CCSER1: variants seen among roughly 807,000 people sequenced by gnomAD.
The protein encoded by CCSER1 is serine-rich coiled-coil domain-containing protein 1.
CCSER1 carries 41 observed loss-of-function variants against 82.0 expected under a neutral mutation model. The observed-to-expected ratio is 0.50, with a 90% confidence interval of 0.39 to 0.65. The LOEUF is 0.65. Among genes scored for constraint, CCSER1 ranks in the 30% least tolerant of loss-of-function variants. The pLI, the probability that CCSER1 is intolerant of heterozygous loss-of-function variation, is 0.00. For synonymous variants in CCSER1, 414 were observed against 383.9 expected, an observed-to-expected ratio of 1.08 and a Z score of -0.92; for missense variants, 1,119 against 1,064.2, an observed-to-expected ratio of 1.05 and a Z score of -0.72.
chr4:90,430,724 A>G (rs879900762), intron 4 of CCSER1, among the ~76,000 whole-genome samples: 3 of 151,784 alleles, frequency 2.0e-5, no homozygotes, highest in Admixed American at 1.3e-4. Context: ...AAATAATCTC[A>G]CTTTTGTAAA....
At chr4:90,710,948 C>A (rs1365986959) in intron 6 of CCSER1, among the ~76,000 whole-genome samples, 1 of 152,004 alleles carries the variant, frequency 6.6e-6, no homozygotes, top group Non-Finnish European at 1.5e-5. Flanking sequence ...GATACTGATT[C>A]TTCTTATCCG....
intron 10 of CCSER1, among the ~76,000 whole-genome samples, chr4:91,340,057 C>T (rs913456231): frequency 2.6e-5 from 4 of 151,990 alleles, no homozygotes; most frequent in African/African-American, 9.7e-5. Context: ...GCAGAGGTTG[C>T]AGTGAGCCAT....
At chr4:91,406,136 A>G (rs1752684072) in intron 10 of CCSER1, among the ~76,000 whole-genome samples, 1 of 151,476 alleles carries the variant, frequency 6.6e-6, no homozygotes, top group African/African-American at 2.4e-5. Flanking sequence ...AAATTGCATA[A>G]TAAGAGTCAA....
At chr4:90,942,642 C>A (rs559863791) in intron 9 of CCSER1, among the ~76,000 whole-genome samples, 3 of 151,354 alleles carry the variant, frequency 2.0e-5, no homozygotes, top group African/African-American at 4.9e-5. Flanking sequence ...ATGAGGGTTT[C>A]CTCATTTAAA....
chr4:90,483,192 A>G, intron 5 of CCSER1, among the ~76,000 whole-genome samples: 1 of 152,254 alleles, frequency 6.6e-6, no homozygotes, highest in Non-Finnish European at 1.5e-5. Flanking sequence ...CTAGGATTGC[A>G]ACCCCTGCCT....
intron 10 of CCSER1, among the ~76,000 whole-genome samples, chr4:91,253,383 G>C (rs1740416213): frequency 1.3e-5 from 2 of 152,094 alleles, no homozygotes; most frequent in Non-Finnish European, 2.9e-5. Flanking sequence ...TAAGCTATTA[G>C]TTAAGTGTGT....
At chr4:90,689,502 T>C (rs1340284479) in intron 6 of CCSER1, among the ~76,000 whole-genome samples, 1 of 152,184 alleles carries the variant, frequency 6.6e-6, no homozygotes, top group Non-Finnish European at 1.5e-5. Flanking sequence ...TAATATTTAA[T>C]GTAAATATTA....
chr4:90,782,473 A>G (rs536965473), intron 7 of CCSER1, among the ~76,000 whole-genome samples: 24 of 152,236 alleles, frequency 1.6e-4, no homozygotes, highest in South Asian at 2.1e-4. Flanking sequence ...AAAAAACTCT[A>G]TTAAGGCTTT....
At chr4:91,250,094 C>T (rs1943132747) in intron 10 of CCSER1, among the ~76,000 whole-genome samples, 1 of 151,444 alleles carries the variant, frequency 6.6e-6, no homozygotes, top group Non-Finnish European at 1.5e-5. Context: ...TAGAAATGTC[C>T]TTCACCGGCT....
chr4:91,145,839 T>C (rs1482729463), intron 10 of CCSER1, among the ~76,000 whole-genome samples: 1 of 152,148 alleles, frequency 6.6e-6, no homozygotes, highest in Non-Finnish European at 1.5e-5. Flanking sequence ...CTAATATGTT[T>C]CCCTTTGAAA....
intron 9 of CCSER1, among the ~76,000 whole-genome samples, chr4:90,979,972 T>C (rs1332504811): frequency 1.7e-5 from 2 of 120,028 alleles, no homozygotes; most frequent in Non-Finnish European, 3.6e-5. Context: ...TATGTTCAAG[T>C]GATGAAACTA....
At chr4:90,922,260 C>A in intron 8 of CCSER1, among the ~76,000 whole-genome samples, 1 of 150,856 alleles carries the variant, frequency 6.6e-6, no homozygotes, top group African/African-American at 2.4e-5. Context: ...TACCAAGCAG[C>A]AATGAAGGAA....
chr4:91,209,699 C>G (rs960770628), intron 10 of CCSER1, among the ~76,000 whole-genome samples: 2 of 151,656 alleles, frequency 1.3e-5, no homozygotes, highest in African/African-American at 4.8e-5. Context: ...TCTCCCATAA[C>G]TTCGTATCAG....
intron 10 of CCSER1, among the ~76,000 whole-genome samples, chr4:91,152,665 C>T (rs913022617): frequency 6.6e-6 from 1 of 152,068 alleles, no homozygotes; most frequent in Non-Finnish European, 1.5e-5. Context: ...ACCAGTTGTT[C>T]CTTTCCATGT....
At chr4:90,858,326 T>A (rs1254611488) in intron 8 of CCSER1, among the ~76,000 whole-genome samples, 1 of 152,048 alleles carries the variant, frequency 6.6e-6, no homozygotes. Flanking sequence ...ACAAATCGCT[T>A]AAGTAAAAAT....
At chr4:91,105,374 A>G (rs1725503234) in intron 10 of CCSER1, among the ~76,000 whole-genome samples, 1 of 150,334 alleles carries the variant, frequency 6.7e-6, no homozygotes, top group Admixed American at 6.7e-5. Flanking sequence ...TTGAAACTTG[A>G]TCACATTCAA....
intron 3 of CCSER1, among the ~76,000 whole-genome samples, chr4:90,330,034 T>C: frequency 6.6e-6 from 1 of 152,096 alleles, no homozygotes; most frequent in African/African-American, 2.4e-5. Context: ...AAGAAAATAA[T>C]GATAGATTAT....
intron 3 of CCSER1, among the ~76,000 whole-genome samples, chr4:90,393,060 C>T (rs558963518): frequency 1.3e-5 from 2 of 152,200 alleles, no homozygotes; most frequent in South Asian, 4.1e-4. Context: ...CTGTATGTAC[C>T]CAGTCTATTC....
chr4:91,410,537 C>T (rs1407338769), intron 10 of CCSER1, among the ~76,000 whole-genome samples: 1 of 152,028 alleles, frequency 6.6e-6, no homozygotes, highest in Admixed American at 6.6e-5. Context: ...GCTGAAGAAC[C>T]TATTTTTACA....
Sources: allele counts gnomAD v4.1 joint callset (sites outside exome capture counted in the v4.1 genomes callset), GRCh38; gene constraint gnomAD v4.1.1; transcripts MANE v1.5; gene names NCBI Gene and HGNC (gene_info 2026-07-23, HGNC 2026-07-21).